Variants in BIN2 observed in about 807,000 individuals in gnomAD.
BIN2 encodes breast cancer associated protein BRAP1.
BIN2 carries 43 observed loss-of-function variants against 67.9 expected under a neutral mutation model. The observed-to-expected ratio is 0.63, with a 90% CI of 0.50 to 0.82. The LOEUF (loss-of-function observed/expected upper bound fraction) is 0.82. BIN2 is among the 40% of genes least tolerant of loss of function. The pLI is 0.00. For missense variants in BIN2, 581 were observed against 671.6 expected (o/e 0.87, Z 1.49); for synonymous variants, 244 against 246.8 (o/e 0.99, Z 0.11).
Position 51,317,529 on chromosome 12 carries a change from TGTG to T in BIN2, c.82-3629_82-3627del, listed in dbSNP as rs1946164861. 3.3e-5 allele frequency among the ~76,000 whole-genome samples: 5 copies of T among 151,624 alleles called. No individual in the cohort carries two copies. The South Asian group carries it at 1.0e-3, about 32-fold the overall frequency. On this transcript the variant is annotated intron_variant, in intron 1 of 12. Coordinates refer to ENST00000615107, the MANE Select transcript of BIN2 (RefSeq NM_016293.4). ...CTAAATACAAAAAAAATTAGCTGGG[TGTG>T]GTGGTGCACGCCTGCAATCCCAGCT...
In BIN2 at chr12:51,295,870, G is replaced by A. The variant is rs1194319605; in HGVS notation, c.687C>T (p.His229=). The A allele has an allele frequency of 6.2e-7, 1 of 1,612,378 alleles. No homozygotes were observed. The highest frequency in any genetic ancestry group is 1.7e-5 in the Admixed American group (1 of 59,846). ...VFYREMSKLN[H]NLYEVMSKLE... ...GTTTGCTCATCACCTCGTAGAGATT[G>A]TGGTTCAGCTAGAGCCAATAAGAAA... The change falls in exon 9 of 13, where the codon CAC becomes CAT. Residue 229 remains histidine, a synonymous_variant. Coordinates refer to ENST00000615107, the MANE Select transcript of BIN2 (RefSeq NM_016293.4).
chr12:51,297,028 G>A (rs1945583470), intron 8 of BIN2, 61 bp downstream of exon 8: 2 of 1,451,186 alleles, frequency 1.4e-6, no homozygotes, highest in Admixed American at 3.7e-5. Context: ...GTAAGTCAAG[G>A]CTACCTTCAT....
intron 10 of BIN2, among the ~76,000 whole-genome samples, chr12:51,288,670 T>C (rs75577305): frequency 1.3e-5 from 2 of 152,204 alleles, no homozygotes; most frequent in East Asian, 3.9e-4. Context: ...GTAGAATGAA[T>C]AAATCTTGTT....
intron 12 of BIN2, among the ~76,000 whole-genome samples, chr12:51,284,036 GC>G (rs1370883485): frequency 1.3e-5 from 2 of 151,408 alleles, no homozygotes; most frequent in Non-Finnish European, 2.9e-5. Context: ...TAATGGTGTA[GC>G]CTAAGTGTAC....
chr12:51,312,000 G>C (rs1025584677), intron 2 of BIN2, among the ~76,000 whole-genome samples: 1 of 152,132 alleles, frequency 6.6e-6, no homozygotes, highest in African/African-American at 2.4e-5. Flanking sequence ...TCGAACTCCT[G>C]ACCTCAGGTG....
intron 5 of BIN2, among the ~76,000 whole-genome samples, chr12:51,299,957 G>A (rs1239062427): frequency 6.6e-6 from 1 of 152,000 alleles, no homozygotes; most frequent in Admixed American, 6.6e-5. Context: ...TTGTGCTTCG[G>A]CCTCCCAGGT....
At chr12:51,284,070 G>A (rs966443058) in intron 12 of BIN2, among the ~76,000 whole-genome samples, 1 of 152,066 alleles carries the variant, frequency 6.6e-6, no homozygotes, top group East Asian at 1.9e-4. Flanking sequence ...CTATAGGAGT[G>A]TAAGTAATGT....
At chr12:51,312,296 C>T (rs1364843003) in intron 2 of BIN2, among the ~76,000 whole-genome samples, 2 of 152,166 alleles carry the variant, frequency 1.3e-5, no homozygotes, top group Non-Finnish European at 2.9e-5. Context: ...GGACTTCTGC[C>T]CAGCAACTGC....
intron 1 of BIN2, among the ~76,000 whole-genome samples, chr12:51,318,404 G>A (rs1946186349): frequency 6.6e-6 from 1 of 152,026 alleles, no homozygotes; most frequent in Admixed American, 6.6e-5. Flanking sequence ...TGGGATTACA[G>A]GTGCCCACCA....
At chr12:51,294,036 A>G (rs990520823) in intron 9 of BIN2, among the ~76,000 whole-genome samples, 5 of 152,230 alleles carry the variant, frequency 3.3e-5, no homozygotes, top group Non-Finnish European at 5.9e-5. Context: ...AATGTAAAAC[A>G]TGTTCATCAC....
intron 8 of BIN2, among the ~76,000 whole-genome samples, chr12:51,296,292 C>T (rs1015561348): frequency 3.3e-5 from 5 of 151,970 alleles, no homozygotes; most frequent in African/African-American, 4.8e-5. Context: ...GTCAGGAGAT[C>T]GAGACCATCC....
rs202062812 is a variant in BIN2, at chr12:51,290,777, C to CA, written c.1515+813dup. Reference sequence around the variant, plus strand: ...TGAAACCCCATCTCTACTAAAAATACAAAAAATTAGCCAGGCATGGTGGCC... The same window carrying CA: ...TGAAACCCCATCTCTACTAAAAATACAAAAAAATTAGCCAGGCATGGTGGCC... On this transcript the variant is annotated intron_variant, in intron 10 of 12. Coordinates refer to ENST00000615107, the MANE Select transcript of BIN2 (RefSeq NM_016293.4). 5.2e-3 allele frequency among the ~76,000 whole-genome samples: 790 copies of CA among 151,986 alleles called. 31 individuals are homozygous for CA. In the East Asian group the frequency reaches 0.1, roughly 20 times the overall value.
intron 7 of BIN2, 104 bp downstream of exon 7, chr12:51,299,099 C>T (rs1945649026): frequency 1.3e-6 from 1 of 750,430 alleles, no homozygotes; most frequent in East Asian, 2.7e-5. Flanking sequence ...GGGGGCGGGG[C>T]AGTGTGGGAA....
At chr12:51,323,902 C>T in intron 1 of BIN2, 120 bp downstream of exon 1, 2 of 1,208,232 alleles carry the variant, frequency 1.7e-6, no homozygotes, top group South Asian at 3.2e-5. Context: ...GGAGACCCTT[C>T]TCGTCAGCCC....
At chr12:51,302,974 G>T in intron 3 of BIN2, 113 bp downstream of exon 3, 1 of 1,295,002 alleles carries the variant, frequency 7.7e-7, no homozygotes, top group Non-Finnish European at 1.1e-6. Context: ...GGAGTCAAGA[G>T]TAGTCAAATG....
chr12:51,302,834 T>C, intron 3 of BIN2, 54 bp from the exon 4 acceptor site: 1 of 1,435,266 alleles, frequency 7.0e-7, no homozygotes, highest in Non-Finnish European at 9.8e-7. Context: ...GTAGTTGGTG[T>C]AATCACATGG....
At chr12:51,306,979 G>A (rs570683635) in intron 2 of BIN2, among the ~76,000 whole-genome samples, 2 of 152,150 alleles carry the variant, frequency 1.3e-5, no homozygotes, top group Admixed American at 1.3e-4. Context: ...AAAGTTTTGG[G>A]GATTATAAAA....
intron 7 of BIN2, among the ~76,000 whole-genome samples, chr12:51,298,174 C>T (rs1945620304): frequency 6.6e-6 from 1 of 152,138 alleles, no homozygotes; most frequent in Non-Finnish European, 1.5e-5. Flanking sequence ...GAGATTGAGA[C>T]CATCCTGGCC....
Position 51,321,267 on chromosome 12 carries a change from C to T in BIN2, c.81+2755G>A, listed in dbSNP as rs1299082461. ...CTGGGTTTCAGTAATATTTCTGCTACCTACCAATCTCTTTTGAGCCTTGTT... is the reference window on the plus strand; with the variant it reads ...CTGGGTTTCAGTAATATTTCTGCTATCTACCAATCTCTTTTGAGCCTTGTT... On this transcript the variant is annotated intron_variant, in intron 1 of 12. Coordinates refer to ENST00000615107, the MANE Select transcript of BIN2 (RefSeq NM_016293.4). Among the ~76,000 whole-genome samples, 9 of 152,296 alleles carry T rather than the reference C, an allele frequency of 5.9e-5. No individual in the cohort carries two copies. In the South Asian group the frequency reaches 1.7e-3, roughly 28 times the overall value.
Sources: gnomAD v4.1 joint callset for allele counts (sites outside exome capture counted in the v4.1 genomes callset) on GRCh38, gnomAD v4.1.1 for gene constraint, MANE v1.5 for transcripts, NCBI Gene and HGNC (gene_info 2026-07-23, HGNC 2026-07-21) for gene names.